The following SYT14 variants were observed in gnomAD, a reference collection of about 807,000 sequenced individuals.
SYT14 encodes synaptotagmin-14.
In SYT14, 32 loss-of-function variants were observed where a neutral mutation model predicts 74.2. That is an observed-to-expected ratio of 0.43 (90% CI 0.33 to 0.58). SYT14 has a LOEUF of 0.58. SYT14 is among the 20% of genes least tolerant of loss of function. The pLI is 0.05. For synonymous variants in SYT14, 298 were observed against 337.7 expected (o/e 0.88, Z 1.29); for missense variants, 791 against 981.8 (o/e 0.81, Z 2.60).
intron 7 of SYT14, among the ~76,000 whole-genome samples, chr1:210,151,954 T>A (rs978927197): frequency 6.6e-6 from 1 of 152,172 alleles, no homozygotes; most frequent in Admixed American, 6.5e-5. Context: ...GGTTCACATC[T>A]TATCTGACAG....
intron 7 of SYT14, among the ~76,000 whole-genome samples, chr1:210,119,307 T>C (rs1470709633): frequency 6.6e-6 from 1 of 152,202 alleles, no homozygotes; most frequent in Non-Finnish European, 1.5e-5. Context: ...TGGGAAATAC[T>C]AATTGCAAAA....
At chr1:210,119,527 GTAGAGACT>G (rs1447787289) in intron 7 of SYT14, among the ~76,000 whole-genome samples, 1 of 152,206 alleles carries the variant, frequency 6.6e-6, no homozygotes, top group African/African-American at 2.4e-5. Flanking sequence ...TGTGGATTCA[GTAGAGACT>G]TATAATGAGT....
At chr1:210,159,560 C>G in intron 9 of SYT14, 83 bp downstream of exon 8, 1 of 1,235,690 alleles carries the variant, frequency 8.1e-7, no homozygotes. Context: ...GTGAAGCTGT[C>G]CACCATGTTG....
chr1:210,100,781 T>C (rs578213807), intron 7 of SYT14, among the ~76,000 whole-genome samples: 38 of 145,616 alleles, frequency 2.6e-4, no homozygotes, highest in Middle Eastern at 6.9e-3. Flanking sequence ...AAACTCCTTA[T>C]AGAATTTATT....
intron 5 of SYT14, among the ~76,000 whole-genome samples, chr1:210,044,402 A>G (rs2080848519): frequency 6.6e-6 from 1 of 152,222 alleles, no homozygotes; most frequent in South Asian, 2.1e-4. Context: ...AAATCTCTAG[A>G]AATTTCACTT....
chr1:210,105,795 T>C (rs2082146949), intron 7 of SYT14, among the ~76,000 whole-genome samples: 2 of 152,288 alleles, frequency 1.3e-5, no homozygotes, highest in East Asian at 1.9e-4. Flanking sequence ...GTCCTCACGA[T>C]AGTAAATTAT....
At chr1:210,058,080 G>T (rs938521406) in intron 5 of SYT14, among the ~76,000 whole-genome samples, 19 of 152,178 alleles carry the variant, frequency 1.2e-4, no homozygotes, top group Admixed American at 7.2e-4. Context: ...TTTCTTGAGG[G>T]TTTTGTTATT....
chr1:210,090,379 A>AT (rs397699201), intron 5 of SYT14, among the ~76,000 whole-genome samples: 6 of 151,798 alleles, frequency 4.0e-5, no homozygotes, highest in Non-Finnish European at 8.8e-5. Context: ...GAAAAAAAAA[A>AT]GAATTCTGCA....
chr1:210,131,547 A>G (rs1048851266), intron 7 of SYT14, among the ~76,000 whole-genome samples: 7 of 151,252 alleles, frequency 4.6e-5, no homozygotes, highest in Non-Finnish European at 1.0e-4. Context: ...ATCATTATTT[A>G]TATATATATG....
intron 2 of SYT14, among the ~76,000 whole-genome samples, chr1:209,977,157 T>C (rs928983652): frequency 2.6e-5 from 4 of 152,234 alleles, no homozygotes; most frequent in African/African-American, 9.6e-5. Flanking sequence ...TGACTGTTTG[T>C]CCAATTTGCC....
intron 2 of SYT14, among the ~76,000 whole-genome samples, chr1:209,974,250 C>T (rs1204509482): frequency 1.3e-5 from 2 of 152,012 alleles, no homozygotes; most frequent in African/African-American, 4.8e-5. Flanking sequence ...CTTTTGTTAC[C>T]ATTGCTTTTG....
intron 6 of SYT14, among the ~76,000 whole-genome samples, chr1:210,097,444 A>G (rs775744920): frequency 1.4e-4 from 22 of 152,174 alleles, no homozygotes; most frequent in Non-Finnish European, 2.9e-4. Context: ...TTCAGAATGC[A>G]GATAATGTCT....
At chr1:210,152,497 G>T (rs537136730) in intron 7 of SYT14, among the ~76,000 whole-genome samples, 1 of 151,640 alleles carries the variant, frequency 6.6e-6, no homozygotes, top group East Asian at 1.9e-4. Flanking sequence ...TATTTTTATC[G>T]TTGTATATTC....
At chr1:210,015,403 A>G (rs953399416) in intron 3 of SYT14, among the ~76,000 whole-genome samples, 2 of 152,196 alleles carry the variant, frequency 1.3e-5, no homozygotes, top group Non-Finnish European at 2.9e-5. Flanking sequence ...TTAAATAGGA[A>G]TAATAATATT....
At chr1:209,969,363 C>G (rs538518398) in intron 2 of SYT14, among the ~76,000 whole-genome samples, 7 of 152,216 alleles carry the variant, frequency 4.6e-5, no homozygotes, top group African/African-American at 1.7e-4. Context: ...TTACCATCCA[C>G]AGTGTATAAG....
At chr1:210,120,395 A>C (rs2082436861) in intron 7 of SYT14, among the ~76,000 whole-genome samples, 1 of 147,264 alleles carries the variant, frequency 6.8e-6, no homozygotes, top group African/African-American at 2.5e-5. Context: ...AGATAGGGTC[A>C]CTCTGTTAGG....
chr1:210,129,760 T>C (rs2082636843), intron 7 of SYT14, among the ~76,000 whole-genome samples: 1 of 152,186 alleles, frequency 6.6e-6, no homozygotes, highest in Non-Finnish European at 1.5e-5. Context: ...CTTTCTAATA[T>C]GCTTAATTGG....
intron 7 of SYT14, among the ~76,000 whole-genome samples, chr1:210,101,665 G>GA (rs150978778): frequency 6.8e-6 from 1 of 148,144 alleles, no homozygotes; most frequent in Non-Finnish European, 1.5e-5. Flanking sequence ...AAAGAGGGGA[G>GA]AAAAAAGAGT....
In SYT14 at chr1:209,983,162, C is replaced by T. The variant is rs117122633; in HGVS notation, c.-486+30406C>T. Among the ~76,000 whole-genome samples the T allele has an allele frequency of 2.4e-4, 36 of 151,970 alleles. 1 individual carries two copies. In the East Asian group the frequency reaches 5.2e-3, roughly 22 times the overall value. On this transcript the variant is annotated intron_variant, in intron 2 of 9. Transcript: ENST00000637265. ...CTGTAGCTTGTCTTCTCATTTTCTT[C>T]GCATTGTATTTTGCAGAGCAGAAGT...
Sources: allele counts gnomAD v4.1 joint callset (sites outside exome capture counted in the v4.1 genomes callset), GRCh38; gene constraint gnomAD v4.1.1; transcripts MANE v1.5; gene names NCBI Gene and HGNC (gene_info 2026-07-23, HGNC 2026-07-21).